FHIT: variants seen among roughly 807,000 people sequenced by gnomAD.
FHIT encodes fragile histidine triad diadenosine triphosphatase, also known as bis(5'-adenosyl)-triphosphatase.
In FHIT, 19 loss-of-function variants were observed where a neutral mutation model predicts 17.9. The ratio of observed to expected loss-of-function variants is 1.06; its 90% CI spans 0.74 to 1.56. The LOEUF (loss-of-function observed/expected upper bound fraction) is 1.56, where lower values mean the gene tolerates loss of function less well. FHIT is among the 40% of genes most tolerant of loss of function. The pLI, the probability that FHIT is intolerant of heterozygous loss-of-function variation, is 0.00. For missense variants in FHIT, 248 were observed against 189.2 expected, an observed-to-expected ratio of 1.31 and a Z score of -1.82; for synonymous variants, 81 against 69.7, an observed-to-expected ratio of 1.16 and a Z score of -0.81.
chr3:61,053,425 G>A (rs1027734600), intron 2 of FHIT, among the ~76,000 whole-genome samples: 7 of 152,128 alleles, frequency 4.6e-5, no homozygotes, highest in African/African-American at 1.2e-4. Context: ...TTGGGAGGCC[G>A]AGGCAGGTGG....
chr3:60,553,391 C>A (rs924249328), intron 4 of FHIT: 2 of 979,314 alleles, frequency 2.0e-6, no homozygotes, highest in South Asian at 4.7e-5. Context: ...CCTTCTTCCA[C>A]TGATTGATCC....
intron 4 of FHIT, among the ~76,000 whole-genome samples, chr3:60,787,626 G>T (rs1700626908): frequency 6.6e-6 from 1 of 152,150 alleles, no homozygotes; most frequent in South Asian, 2.1e-4. Flanking sequence ...TATAAGGTTG[G>T]CATCCATTCT....
chr3:60,088,766 A>G lies in FHIT; in HGVS notation c.104-74614T>C, dbSNP rs539826315. ...AAAAACAAAGTTTAGCATTTGCTGC[A>G]TATGTCCAACAAACATAATTAATTG... On this transcript the variant is annotated intron_variant, in intron 5 of 9. Transcript: ENST00000492590. Among the ~76,000 whole-genome samples the G allele has an allele frequency of 4.1e-5, 6 of 147,852 alleles. No individual in the cohort carries two copies. In the East Asian group the frequency reaches 7.8e-4, roughly 19 times the overall value.
chr3:60,233,192 T>C (rs1298030396), intron 5 of FHIT, among the ~76,000 whole-genome samples: 1 of 152,206 alleles, frequency 6.6e-6, no homozygotes, highest in African/African-American at 2.4e-5. Context: ...AAATCCCCAA[T>C]GACTCCTGAC....
intron 7 of FHIT, among the ~76,000 whole-genome samples, chr3:59,985,464 T>A (rs1708854026): frequency 1.3e-5 from 2 of 152,160 alleles, no homozygotes; most frequent in South Asian, 4.1e-4. Flanking sequence ...TTATCCCTAT[T>A]CCAAAAAATA....
intron 3 of FHIT, among the ~76,000 whole-genome samples, chr3:60,887,692 G>A (rs1412680411): frequency 2.0e-5 from 3 of 152,048 alleles, no homozygotes; most frequent in Non-Finnish European, 4.4e-5. Context: ...GAAATTTTAA[G>A]CTCCCTTTTA....
intron 5 of FHIT, among the ~76,000 whole-genome samples, chr3:60,299,106 G>A (rs560946905): frequency 2.0e-5 from 3 of 152,094 alleles, no homozygotes; most frequent in Admixed American, 1.3e-4. Flanking sequence ...ACCAAATTGG[G>A]CTGCTGATCC....
At chr3:60,892,901 C>A (rs6786603) in intron 3 of FHIT, among the ~76,000 whole-genome samples, 146,769 of 152,334 alleles carry the variant, frequency 0.96, 70,949 homozygotes, top group East Asian at 1. Context: ...AAAAATACAG[C>A]TTTAACTGCA....
intron 4 of FHIT, among the ~76,000 whole-genome samples, chr3:60,771,926 G>C (rs1444650048): frequency 2.6e-5 from 4 of 152,158 alleles, no homozygotes; most frequent in Admixed American, 6.5e-5. Flanking sequence ...GAAAATCTCA[G>C]ACACAATTTT....
At chr3:60,437,364 T>C (rs1274536899) in intron 5 of FHIT, among the ~76,000 whole-genome samples, 2 of 152,234 alleles carry the variant, frequency 1.3e-5, no homozygotes, top group Middle Eastern at 3.4e-3. Flanking sequence ...CATTAAGTTA[T>C]AAAATTCTCT....
At chr3:61,240,498 C>T (rs11922845) in intron 1 of FHIT, among the ~76,000 whole-genome samples, 1,539 of 152,284 alleles carry the variant, frequency 0.01, 25 homozygotes, top group African/African-American at 0.035. Flanking sequence ...CAGTACCCCT[C>T]CAACTGGCTA....
At chr3:60,924,809 A>C (rs1206944429) in intron 3 of FHIT, among the ~76,000 whole-genome samples, 1 of 151,610 alleles carries the variant, frequency 6.6e-6, no homozygotes, top group Non-Finnish European at 1.5e-5. Flanking sequence ...AAAAACCTTG[A>C]AAAAAAAATT....
At chr3:60,900,309 T>C (rs1706052145) in intron 3 of FHIT, among the ~76,000 whole-genome samples, 1 of 152,058 alleles carries the variant, frequency 6.6e-6, no homozygotes. Flanking sequence ...CCTGAAGTCC[T>C]AGCTACATGG....
intron 5 of FHIT, among the ~76,000 whole-genome samples, chr3:60,124,229 T>A (rs1348752797): frequency 6.6e-6 from 1 of 151,128 alleles, no homozygotes; most frequent in African/African-American, 2.4e-5. Context: ...ACATTTTTTT[T>A]AAAACAACAA....
intron 2 of FHIT, among the ~76,000 whole-genome samples, chr3:61,197,697 C>T (rs947071601): frequency 2.0e-5 from 3 of 152,094 alleles, no homozygotes; most frequent in African/African-American, 7.2e-5. Context: ...AATAAAAATT[C>T]AGGGAAAAGT....
At chr3:60,352,297 C>T (rs990649267) in intron 5 of FHIT, among the ~76,000 whole-genome samples, 1 of 151,986 alleles carries the variant, frequency 6.6e-6, no homozygotes, top group Non-Finnish European at 1.5e-5. Flanking sequence ...GAGCCTAAAA[C>T]AGGTTCCTTT....
At chr3:61,145,083 T>C (rs891869326) in intron 2 of FHIT, among the ~76,000 whole-genome samples, 31 of 152,176 alleles carry the variant, frequency 2.0e-4, no homozygotes, top group Admixed American at 1.5e-3. Flanking sequence ...TTGTCACCTG[T>C]GCTTTTGGTA....
intron 4 of FHIT, among the ~76,000 whole-genome samples, chr3:60,564,690 C>G (rs544452390): frequency 6.6e-6 from 1 of 152,112 alleles, no homozygotes; most frequent in East Asian, 1.9e-4. Context: ...GAAGACGTGA[C>G]TGTATTGCTG....
intron 3 of FHIT, among the ~76,000 whole-genome samples, chr3:61,012,143 G>C (rs1057454574): frequency 6.6e-6 from 1 of 152,150 alleles, no homozygotes; most frequent in African/African-American, 2.4e-5. Context: ...CATATTTGCA[G>C]AGGTATACTG....
Sources: gnomAD v4.1 joint callset for allele counts (sites outside exome capture counted in the v4.1 genomes callset) on GRCh38, gnomAD v4.1.1 for gene constraint, MANE v1.5 for transcripts, NCBI Gene and HGNC (gene_info 2026-07-23, HGNC 2026-07-21) for gene names.